The following MFHAS1 variants were observed in gnomAD, a reference collection of about 807,000 sequenced individuals.
The protein encoded by MFHAS1 is multifunctional ROCO family signaling regulator 1, also known as malignant fibrous histiocytoma-amplified sequence 1.
A neutral mutation model predicts 70.4 loss-of-function variants in MFHAS1; 50 were observed. The ratio of observed to expected loss-of-function variants is 0.71; its 90% CI spans 0.57 to 0.90. MFHAS1 has a LOEUF of 0.90. Among genes scored for constraint, MFHAS1 ranks in the 40% least tolerant of loss-of-function variants. MFHAS1 has a pLI of 0.00. For missense variants in MFHAS1, 1,795 were observed against 1,347.6 expected, an observed-to-expected ratio of 1.33 and a Z score of -5.20; for synonymous variants, 952 against 620.0, an observed-to-expected ratio of 1.54 and a Z score of -7.96.
At chr8:8,854,870 T>C (rs1441158811) in intron 1 of MFHAS1, among the ~76,000 whole-genome samples, 1 of 152,182 alleles carries the variant, frequency 6.6e-6, no homozygotes, top group Non-Finnish European at 1.5e-5. Context: ...TTTAACTGGC[T>C]ATCCTGTTTT....
chr8:8,853,105 G>A (rs1338289965), intron 1 of MFHAS1, among the ~76,000 whole-genome samples: 1 of 152,024 alleles, frequency 6.6e-6, no homozygotes, highest in African/African-American at 2.4e-5. Flanking sequence ...CTATGCCCCT[G>A]CAGGCTCCAT....
At chr8:8,827,629 G>C (rs1200751180) in intron 1 of MFHAS1, among the ~76,000 whole-genome samples, 1 of 152,146 alleles carries the variant, frequency 6.6e-6, no homozygotes, top group Non-Finnish European at 1.5e-5. Context: ...AATTAGCTCT[G>C]ACACATAGGC....
intron 1 of MFHAS1, among the ~76,000 whole-genome samples, chr8:8,808,938 G>A (rs1806441167): frequency 6.6e-6 from 1 of 152,142 alleles, no homozygotes; most frequent in South Asian, 2.1e-4. Context: ...AGTGGTAGGT[G>A]AGCAGGCAAA....
intron 1 of MFHAS1, among the ~76,000 whole-genome samples, chr8:8,845,932 A>T (rs1436867612): frequency 6.6e-6 from 1 of 151,526 alleles, no homozygotes; most frequent in Non-Finnish European, 1.5e-5. Flanking sequence ...TCCATCAACA[A>T]CCCCTTCAAC....
At position 8,892,083 on chromosome 8, in the gene MFHAS1, G is replaced by C. The variant is rs544927448; in HGVS notation, c.976C>G (p.Leu326Val). The part of the protein sequence containing the change: ...SGLGRLLTLW[L>V]DNNRIRYLPD... ...AGGTAGCGGATGCGGTTATTATCCA[G>C]CCACAAGGTGAGAAGCCGGCCCAGG... Residue 326 changes from leucine to valine, a missense_variant, in exon 1 of 3, where the codon CTG becomes GTG. By Grantham distance (32) the Leu-to-Val change is conservative (BLOSUM62 1). Transcript: ENST00000276282. This position sits in a 1 kb window ranked among gnomAD's most constrained non-coding sequence, Gnocchi z 4.7. 1.9e-6 allele frequency: 3 copies of C among 1,613,394 alleles called. No homozygotes were observed. In the East Asian group the frequency reaches 6.7e-5, roughly 36 times the overall value.
intron 1 of MFHAS1, among the ~76,000 whole-genome samples, chr8:8,814,000 A>C (rs1585030048): frequency 6.7e-6 from 1 of 150,152 alleles, no homozygotes; most frequent in Middle Eastern, 3.4e-3. Flanking sequence ...GTGCAGGGGC[A>C]TGATCTCGGT....
At chr8:8,869,198 A>T (rs150558613) in intron 1 of MFHAS1, among the ~76,000 whole-genome samples, 213 of 152,288 alleles carry the variant, frequency 1.4e-3, no homozygotes, top group African/African-American at 4.6e-3. Flanking sequence ...ATAATGAAAA[A>T]TCAAAGCACA....
intron 1 of MFHAS1, among the ~76,000 whole-genome samples, chr8:8,847,221 A>T (rs1208368058): frequency 2.0e-5 from 3 of 152,164 alleles, no homozygotes; most frequent in African/African-American, 7.2e-5. Flanking sequence ...TGCTCTTGTC[A>T]TCCAGGCTGG....
At position 8,785,641 on chromosome 8, in the gene MFHAS1, A is replaced by G. The variant is rs1055702865; in HGVS notation, c.*381T>C. ...TCAGTCGATCCCTCTTTCACATTTA[A>G]CAGAACTGAAATCTGAGTGCTCTAA... On this transcript the variant is annotated 3_prime_UTR_variant, in exon 3 of 3. Transcript: ENST00000276282. The G allele has an allele frequency of 3.0e-5, 6 of 199,568 alleles. No homozygotes were observed. The highest frequency in any genetic ancestry group is 1.6e-4 in the Admixed American group (3 of 18,522). The allele number at this position is 199,568 out of a possible 1,614,324, so 12.4% of individuals were successfully genotyped here.
rs768849969 is a variant in MFHAS1 at position 8,892,947 on chromosome 8, C to G, written c.112G>C (p.Gly38Arg). The G allele has an allele frequency of 2.7e-5, 41 of 1,546,880 alleles. No homozygotes were observed. Among genetic ancestry groups the G allele is most frequent in the Non-Finnish European group, 3.6e-5 (41 of 1,149,204 alleles). ...NLRQLTLTAA[G>R]ACPGAGADAL... The stretch of plus-strand genomic sequence containing the variant: ...TCGGCCCCGGCCCCGGGGCAGGCCC[C>G]GGCGGCGGTAAGCGTGAGCTGGCGC... Residue 38 changes from glycine (G) to arginine (R), a missense_variant, in exon 1 of 3, where the codon GGG becomes CGG. By Grantham distance (125) the Gly-to-Arg change is moderately radical (BLOSUM62 -2). Coordinates refer to ENST00000276282, the MANE Select transcript of MFHAS1 (RefSeq NM_004225.3). The surrounding 1 kb of genome is among the most constrained non-coding windows in gnomAD (Gnocchi z 4.7).
At chr8:8,834,022 A>G (rs1275113988) in intron 1 of MFHAS1, among the ~76,000 whole-genome samples, 2 of 152,112 alleles carry the variant, frequency 1.3e-5, no homozygotes, top group Non-Finnish European at 2.9e-5. Context: ...GCTACTCAGG[A>G]GGTTGAGGCA....
At chr8:8,801,299 G>A (rs979401321) in intron 1 of MFHAS1, among the ~76,000 whole-genome samples, 6 of 152,132 alleles carry the variant, frequency 3.9e-5, no homozygotes, top group Non-Finnish European at 7.4e-5. Context: ...GACTGTCCAC[G>A]TCACACAGAG....
chr8:8,888,670 G>C (rs1809866430), intron 1 of MFHAS1, among the ~76,000 whole-genome samples: 2 of 152,172 alleles, frequency 1.3e-5, no homozygotes, highest in African/African-American at 4.8e-5. Context: ...AACTTATGGA[G>C]ACAGTAAAAA....
intron 1 of MFHAS1, among the ~76,000 whole-genome samples, chr8:8,816,443 G>C (rs1358290659): frequency 6.6e-6 from 1 of 152,106 alleles, no homozygotes; most frequent in Non-Finnish European, 1.5e-5. Context: ...ATTCTGAGCG[G>C]GACAAATTTC....
chr8:8,857,974 G>A (rs1007879504), intron 1 of MFHAS1, among the ~76,000 whole-genome samples: 6 of 152,106 alleles, frequency 3.9e-5, no homozygotes, highest in African/African-American at 1.4e-4. Flanking sequence ...AAACAAATGA[G>A]AAAATCCAAG....
intron 1 of MFHAS1, among the ~76,000 whole-genome samples, chr8:8,810,208 A>C (rs1806496048): frequency 6.6e-6 from 1 of 152,220 alleles, no homozygotes; most frequent in African/African-American, 2.4e-5. Flanking sequence ...CCTACTAAAA[A>C]TACAAAAATT....
intron 1 of MFHAS1, among the ~76,000 whole-genome samples, chr8:8,888,068 A>C (rs1486471477): frequency 6.6e-6 from 1 of 152,224 alleles, no homozygotes; most frequent in Non-Finnish European, 1.5e-5. Context: ...ATTTGGTATC[A>C]CAATAAAGAA....
At chr8:8,842,431 C>A (rs923596418) in intron 1 of MFHAS1, among the ~76,000 whole-genome samples, 2 of 152,130 alleles carry the variant, frequency 1.3e-5, no homozygotes, top group Non-Finnish European at 2.9e-5. Flanking sequence ...GGAGATCCAC[C>A]CACCTCAGCC....
chr8:8,820,782 G>A (rs556811942), intron 1 of MFHAS1, among the ~76,000 whole-genome samples: 10 of 152,336 alleles, frequency 6.6e-5, no homozygotes, highest in Non-Finnish European at 4.4e-5. Flanking sequence ...TGGCCAGGCA[G>A]TTAAAGGTGG....
Sources: gnomAD v4.1 joint callset for allele counts (sites outside exome capture counted in the v4.1 genomes callset) on GRCh38, gnomAD v4.1.1 for gene constraint, Gnocchi (gnomAD v3.1) non-coding constraint, MANE v1.5 for transcripts, NCBI Gene and HGNC (gene_info 2026-07-23, HGNC 2026-07-21) for gene names.